Variants in KHDRBS3 observed in about 807,000 individuals in gnomAD.
KHDRBS3 encodes the protein KH domain-containing, RNA-binding, signal transduction-associated protein 3.
Under a neutral mutation model 45.6 loss-of-function variants are expected in KHDRBS3, and 23 were observed. That is an observed-to-expected ratio of 0.50 (90% confidence interval 0.36 to 0.72). The LOEUF is 0.72. Among genes scored for constraint, KHDRBS3 ranks in the 30% least tolerant of loss-of-function variants. The probability of loss-of-function intolerance (pLI) is 0.00; values close to 1 mark genes in which losing one functional copy is unlikely to be tolerated. For synonymous variants in KHDRBS3, 162 were observed against 156.5 expected, an observed-to-expected ratio of 1.04 and a Z score of -0.26; for missense variants, 352 against 424.8, an observed-to-expected ratio of 0.83 and a Z score of 1.51.
intron 1 of KHDRBS3, among the ~76,000 whole-genome samples, chr8:135,509,850 A>T (rs1198760756): frequency 2.0e-5 from 3 of 152,148 alleles, no homozygotes; most frequent in Non-Finnish European, 4.4e-5. Context: ...GGAATTTTTA[A>T]ATGTATCTGG....
chr8:135,484,225 C>T lies in KHDRBS3; in HGVS notation c.88+26271C>T, dbSNP rs554624384. ...GACTGGGTAGACCCCTCTTGGCCAA[C>T]GGGACCCCAGAAAAACTTTAAAAAC... is the stretch of plus-strand genomic sequence containing the variant. On this transcript the variant is annotated intron_variant, in intron 1 of 8. Transcript: ENST00000355849. Among the ~76,000 whole-genome samples, 12 of 152,294 alleles carry T rather than the reference C, an allele frequency of 7.9e-5. No homozygotes were observed. In the East Asian group the frequency reaches 1.5e-3, roughly 20 times the overall value.
chr8:135,495,271 A>G (rs1586607199), intron 1 of KHDRBS3, among the ~76,000 whole-genome samples: 1 of 152,156 alleles, frequency 6.6e-6, no homozygotes, highest in East Asian at 1.9e-4. Context: ...AATTCCACTC[A>G]CCTGTTTTTG....
At position 135,457,910 on chromosome 8, in the gene KHDRBS3, C is replaced by T; in HGVS notation, c.44C>T (p.Ser15Phe). 6.2e-7 allele frequency: 1 copy of T among 1,603,072 alleles called. No homozygotes were observed. The highest frequency in any genetic ancestry group is 8.5e-7 in the Non-Finnish European group (1 of 1,175,618). ...CCCGAGCTGATGGCGGAGAAGGACT[C>T]CCTGGACCCCTCCTTCACGCACGCC... ...YLPELMAEKD[S>F]LDPSFTHALR... The change falls in exon 1 of 9, where the codon TCC becomes TTC. Residue 15 changes from serine (S) to phenylalanine (F), a missense_variant. Ser to Phe is a radical substitution (Grantham distance 155). Around this residue, in one of 6 missense-constraint regions of KHDRBS3, gnomAD observed 58 missense variants for 64.5 expected, o/e 0.90. Transcript: ENST00000355849. This position sits in a 1 kb window ranked among gnomAD's most constrained non-coding sequence, Gnocchi z 4.4.
At chr8:135,568,610 AAC>A (rs1449348145) in intron 5 of KHDRBS3, among the ~76,000 whole-genome samples, 2 of 152,226 alleles carry the variant, frequency 1.3e-5, no homozygotes, top group African/African-American at 4.8e-5. Context: ...TAAGAGAATA[AAC>A]ACGGAGAAAA....
At chr8:135,529,315 T>C (rs1173190461) in intron 2 of KHDRBS3, among the ~76,000 whole-genome samples, 1 of 152,184 alleles carries the variant, frequency 6.6e-6, no homozygotes, top group Non-Finnish European at 1.5e-5. Context: ...TTGGGTCTTG[T>C]GACACAGCCC....
chr8:135,596,840 G>T (rs1466149174), intron 6 of KHDRBS3, among the ~76,000 whole-genome samples: 1 of 152,138 alleles, frequency 6.6e-6, no homozygotes, highest in African/African-American at 2.4e-5. Context: ...GATCAGCGAA[G>T]CGTGAAGAGA....
chr8:135,513,201 A>G (rs1824395848), intron 1 of KHDRBS3, among the ~76,000 whole-genome samples: 1 of 149,920 alleles, frequency 6.7e-6, no homozygotes, highest in South Asian at 2.1e-4. Flanking sequence ...CTCCGTCTCA[A>G]AAAAAAAAAG....
intron 5 of KHDRBS3, among the ~76,000 whole-genome samples, chr8:135,576,002 T>C (rs1344271052): frequency 2.6e-5 from 4 of 152,200 alleles, no homozygotes; most frequent in Admixed American, 2.6e-4. Flanking sequence ...GTTTTGATGA[T>C]CTTAACAGTT....
At chr8:135,523,031 G>A (rs143942316) in intron 2 of KHDRBS3, among the ~76,000 whole-genome samples, 1 of 152,184 alleles carries the variant, frequency 6.6e-6, no homozygotes, top group African/African-American at 2.4e-5. Context: ...GAATCCTTAT[G>A]CCAGTACCAC....
At chr8:135,478,563 A>G (rs1822409661) in intron 1 of KHDRBS3, among the ~76,000 whole-genome samples, 1 of 152,220 alleles carries the variant, frequency 6.6e-6, no homozygotes. Flanking sequence ...TCTCCAGGAT[A>G]GACCACATGC....
At chr8:135,621,941 A>G (rs1389697133) in intron 7 of KHDRBS3, among the ~76,000 whole-genome samples, 1 of 151,522 alleles carries the variant, frequency 6.6e-6, no homozygotes, top group Non-Finnish European at 1.5e-5. Context: ...CATGCCCGTA[A>G]CCCCCACACT....
chr8:135,655,757 TCAC>T (rs1432484541), intron 4 of KHDRBS3, among the ~76,000 whole-genome samples: 1 of 149,692 alleles, frequency 6.7e-6, no homozygotes, highest in Non-Finnish European at 1.5e-5. Context: ...GTTTTTCTGA[TCAC>T]CAGCCAGTTT....
intron 4 of KHDRBS3, among the ~76,000 whole-genome samples, chr8:135,553,514 A>C (rs1421089938): frequency 6.6e-6 from 1 of 152,158 alleles, no homozygotes; most frequent in East Asian, 1.9e-4. Flanking sequence ...TATTATATGC[A>C]TGTTCCAGAG....
chr8:135,593,005 G>T (rs1828817544), intron 6 of KHDRBS3, among the ~76,000 whole-genome samples: 1 of 152,044 alleles, frequency 6.6e-6, no homozygotes, highest in Non-Finnish European at 1.5e-5. Flanking sequence ...TCAAGACCAG[G>T]CTGGGCAGCA....
intron 1 of KHDRBS3, among the ~76,000 whole-genome samples, chr8:135,518,172 T>G (rs74483651): frequency 6.6e-6 from 1 of 151,826 alleles, no homozygotes; most frequent in Non-Finnish European, 1.5e-5. Context: ...TGTTTTTTTT[T>G]GTTGTTGTTG....
At chr8:135,494,392 C>T (rs901983425) in intron 1 of KHDRBS3, among the ~76,000 whole-genome samples, 1 of 150,456 alleles carries the variant, frequency 6.6e-6, no homozygotes, top group African/African-American at 2.4e-5. Context: ...CATTCTCCTG[C>T]CTCAGCCTCC....
At chr8:135,626,402 T>C (rs1485459593) in intron 7 of KHDRBS3, among the ~76,000 whole-genome samples, 1 of 152,184 alleles carries the variant, frequency 6.6e-6, no homozygotes, top group South Asian at 2.1e-4. Context: ...AAATATGGCA[T>C]TGCACAGACC....
At chr8:135,518,006 ATACT>A (rs1824704735) in intron 1 of KHDRBS3, among the ~76,000 whole-genome samples, 1 of 152,328 alleles carries the variant, frequency 6.6e-6, no homozygotes, top group South Asian at 2.1e-4. Flanking sequence ...ATGTGATAAA[ATACT>A]TAATTCCTAA....
intron 1 of KHDRBS3, among the ~76,000 whole-genome samples, chr8:135,510,917 T>G (rs1824249985): frequency 6.6e-6 from 1 of 152,236 alleles, no homozygotes; most frequent in South Asian, 2.1e-4. Context: ...TCCCCCCACC[T>G]TTTTTAACAG....
Sources: allele counts gnomAD v4.1 joint callset (sites outside exome capture counted in the v4.1 genomes callset), GRCh38; gene constraint gnomAD v4.1.1; regional missense constraint gnomAD v4.1.1; non-coding constraint Gnocchi (gnomAD v3.1); transcripts MANE v1.5; gene names NCBI Gene and HGNC (gene_info 2026-07-23, HGNC 2026-07-21).